Variants in DUSP8 observed in about 807,000 individuals in gnomAD.
The protein encoded by DUSP8 is dual specificity protein phosphatase 8.
DUSP8 carries 15 observed loss-of-function variants against 38.7 expected under a neutral mutation model. The ratio of observed to expected loss-of-function variants is 0.39; its 90% CI spans 0.26 to 0.60. The LOEUF (loss-of-function observed/expected upper bound fraction) is 0.60, where lower values mean the gene tolerates loss of function less well. DUSP8 is among the 20% of genes least tolerant of loss of function. The probability of loss-of-function intolerance (pLI) is 0.56; values close to 1 mark genes in which losing one functional copy is unlikely to be tolerated. For missense variants in DUSP8, 768 were observed against 915.0 expected, an observed-to-expected ratio of 0.84 and a Z score of 2.07; for synonymous variants, 458 against 433.9, an observed-to-expected ratio of 1.06 and a Z score of -0.69.
rs567697675 is a variant in DUSP8, at chr11:1,570,076, G to A, written c.-109+1825C>T. On this transcript the variant is annotated intron_variant, in intron 1 of 6. Coordinates refer to ENST00000397374, the MANE Select transcript of DUSP8 (RefSeq NM_004420.3). ...TCTGCTCCGCTGGCCTGGGGAAGCTGTGGACCTGGGAGAAAGTGGGGTGGG... is the reference window on the plus strand; with the variant it reads ...TCTGCTCCGCTGGCCTGGGGAAGCTATGGACCTGGGAGAAAGTGGGGTGGG... 2.6e-5 allele frequency among the ~76,000 whole-genome samples: 4 copies of A among 152,342 alleles called. No homozygotes were observed. In the East Asian group the frequency reaches 7.7e-4, roughly 29 times the overall value.
chr11:1,566,774 G>A (rs1335325862), intron 1 of DUSP8, among the ~76,000 whole-genome samples: 2 of 152,176 alleles, frequency 1.3e-5, no homozygotes, highest in Non-Finnish European at 2.9e-5. Flanking sequence ...CTGGGAGGAG[G>A]GTCAGTGTCG....
chr11:1,557,523 G>A lies in DUSP8; in HGVS notation c.873C>T (p.Gly291=). 6.3e-7 allele frequency: 1 copy of A among 1,591,328 alleles called. No homozygotes were observed. ...GGCTGCGCTCGTACTCCAGCAGCTG[G>A]CCCAGGAAGTTGAAGTTGGGCGAGA... ...PSISPNFNFL[G]QLLEYERSLK... Residue 291 remains glycine (G), a synonymous_variant, in exon 7 of 7, where the codon GGC becomes GGT. Transcript: ENST00000397374. This position sits in a 1 kb window ranked among gnomAD's most constrained non-coding sequence, Gnocchi z 9.9.
rs1848648149 is a variant in DUSP8 at position 1,557,292 on chromosome 11, G to A, written c.1104C>T (p.Ser368=). The change falls in exon 7 of 7, where the codon AGC becomes AGT. Residue 368 remains serine, a synonymous_variant. Transcript: ENST00000397374. The surrounding 1 kb of genome is among the most constrained non-coding windows in gnomAD (Gnocchi z 9.9). The part of the protein sequence containing the change: ...PPAPPTPPAT[S]ALQQGLRGLH... The stretch of plus-strand genomic sequence containing the variant: ...GGCCGCGCAGGCCCTGCTGCAGTGC[G>A]CTGGTCGCCGGGGGCGTGGGGGGCG... 6.8e-7 allele frequency: 1 copy of A among 1,473,860 alleles called. No homozygotes were observed. The highest frequency in any genetic ancestry group is 2.9e-5 in the East Asian group (1 of 35,066). The allele number at this position is 1,473,860 out of a possible 1,614,324, so 91.3% of individuals were successfully genotyped here. A position where few individuals can be genotyped will look rare whatever the true frequency, so the allele number is the denominator to read the frequency against.
Position 1,563,869 on chromosome 11 carries a change from T to C in DUSP8, c.352A>G (p.Ser118Gly). The C allele has an allele frequency of 6.5e-7, 1 of 1,540,994 alleles. No homozygotes were observed. The highest frequency in any genetic ancestry group is 8.8e-7 in the Non-Finnish European group (1 of 1,142,430). Residue 118 changes from serine (S) to glycine (G), a missense_variant, in exon 3 of 7, where the codon AGC becomes GGC. Physicochemically the swap from Ser to Gly is moderately conservative, Grantham distance 56 (BLOSUM62 0). Around this residue, in one of 3 missense-constraint regions of DUSP8, gnomAD observed 252 missense variants for 410.4 expected, o/e 0.61. Coordinates refer to ENST00000397374, the MANE Select transcript of DUSP8 (RefSeq NM_004420.3). ...GACTCACCAGTGAGGATGGCCACGC[T>C]GTCGAAGCAGCCGTCCAGCTTGCTC... ...LLSKLDGCFD[S>G]VAILTGGFAT...
chr11:1,564,291 C>T (rs1439656861), intron 2 of DUSP8, among the ~76,000 whole-genome samples: 3 of 152,188 alleles, frequency 2.0e-5, no homozygotes, highest in Non-Finnish European at 4.4e-5. Context: ...ACGCTCTGGG[C>T]CAGGCCTGTG....
intron 3 of DUSP8, 77 bp from the exon 4 acceptor site, chr11:1,559,132 A>G: frequency 7.1e-7 from 1 of 1,416,680 alleles, no homozygotes; most frequent in South Asian, 1.3e-5. Context: ...CTGTCCGCCT[A>G]GGGCACCCCA....
At chr11:1,569,913 G>C (rs982462684) in intron 1 of DUSP8, among the ~76,000 whole-genome samples, 3 of 152,216 alleles carry the variant, frequency 2.0e-5, no homozygotes, top group Non-Finnish European at 2.9e-5. Context: ...AGACTGGTGG[G>C]TGGCAACTCT....
chr11:1,563,441 G>A (rs1019050785), intron 3 of DUSP8, among the ~76,000 whole-genome samples: 11 of 152,142 alleles, frequency 7.2e-5, no homozygotes, highest in Admixed American at 1.3e-4. Context: ...GACCCAGGCA[G>A]CAGCCTTGGT....
intron 1 of DUSP8, chr11:1,571,449 C>T (rs995512271): frequency 6.6e-6 from 1 of 152,346 alleles, no homozygotes; most frequent in Admixed American, 6.5e-5. Context: ...CCGTCGCGTC[C>T]CTCCCACGGC....
intron 3 of DUSP8, among the ~76,000 whole-genome samples, chr11:1,561,556 G>A (rs1007249888): frequency 2.6e-5 from 4 of 152,354 alleles, no homozygotes; most frequent in East Asian, 3.9e-4. Context: ...CCAACATCGT[G>A]AGCAGCGCAG....
chr11:1,557,184 A>C lies in DUSP8; in HGVS notation c.1212T>G (p.Pro404=). 1 of 1,464,444 alleles carries C rather than the reference A, an allele frequency of 6.8e-7. No homozygotes were observed. The highest frequency in any genetic ancestry group is 9.0e-7 in the Non-Finnish European group (1 of 1,113,482). The allele number at this position is 1,464,444 out of a possible 1,614,324, so 90.7% of individuals were successfully genotyped here. The change falls in exon 7 of 7, where the codon CCT becomes CCG. Residue 404 remains proline (P), a synonymous_variant. Coordinates refer to ENST00000397374, the MANE Select transcript of DUSP8 (RefSeq NM_004420.3). The surrounding 1 kb of genome is among the most constrained non-coding windows in gnomAD (Gnocchi z 9.9). ...FSLDIKSAYA[P]SRRPDGPGPP... is the part of the protein sequence containing the mutation. ...GCCCGGGGCCGTCGGGCCGCCTGCT[A>C]GGGGCGTAGGCAGACTTGATGTCCA...
At chr11:1,563,287 A>C (rs1770566193) in intron 3 of DUSP8, among the ~76,000 whole-genome samples, 1 of 152,188 alleles carries the variant, frequency 6.6e-6, no homozygotes, top group Non-Finnish European at 1.5e-5. Flanking sequence ...AAGGAAAGAA[A>C]GAACCCTCTG....
At chr11:1,570,596 G>A (rs1386341236) in intron 1 of DUSP8, among the ~76,000 whole-genome samples, 1 of 151,300 alleles carries the variant, frequency 6.6e-6, no homozygotes, top group East Asian at 1.9e-4. Flanking sequence ...CCTCCCCGAG[G>A]ACAGAGGATA....
chr11:1,566,308 C>T (rs938589839), intron 1 of DUSP8, among the ~76,000 whole-genome samples: 4 of 152,094 alleles, frequency 2.6e-5, no homozygotes, highest in Admixed American at 1.3e-4. Flanking sequence ...CCCAGCAAGT[C>T]GGGGTCTGGA....
Position 1,557,880 on chromosome 11 carries a change from G to A in DUSP8, c.735C>T (p.His245=), listed in dbSNP as rs1290267231. ...AKLSSCQVIV[H]CLAGISRSAT... is the part of the protein sequence containing the mutation. ...CAGAGCGGGAGATGCCAGCCAGACA[G>A]TGGACGATGACTTGGCAGCTGGAGA... The change falls in exon 6 of 7, where the codon CAC becomes CAT. Residue 245 remains histidine, a synonymous_variant. Transcript: ENST00000397374. This position sits in a 1 kb window ranked among gnomAD's most constrained non-coding sequence, Gnocchi z 9.9. 1.2e-6 allele frequency: 2 copies of A among 1,614,028 alleles called. No homozygotes were observed. The highest frequency in any genetic ancestry group is 1.7e-6 in the Non-Finnish European group (2 of 1,180,030).
Position 1,563,846 on chromosome 11 carries a change from C to T in DUSP8, c.370+5G>A, listed in dbSNP as rs896322169. ...GCCTCGGGGAGGCGTGGGTCATGGA[C>T]TCACCAGTGAGGATGGCCACGCTGT... On this transcript the variant is annotated splice_donor_5th_base_variant and intron_variant, in intron 3 of 6. Transcript: ENST00000397374. 13 of 1,505,606 alleles carry T rather than the reference C, an allele frequency of 8.6e-6. No homozygotes were observed. The highest frequency in any genetic ancestry group is 1.4e-5 in the African/African-American group (1 of 72,144). 93.3% of individuals were successfully genotyped at this position (1,505,606 alleles called of 1,614,324 possible).
intron 1 of DUSP8, among the ~76,000 whole-genome samples, chr11:1,566,192 G>A (rs1590806862): frequency 1.3e-5 from 2 of 152,176 alleles, no homozygotes; most frequent in East Asian, 3.9e-4. Flanking sequence ...CCTTCCTGTG[G>A]GCCCTGGGGT....
intron 1 of DUSP8, among the ~76,000 whole-genome samples, chr11:1,567,747 A>G (rs1008715064): frequency 2.5e-4 from 38 of 152,304 alleles, no homozygotes; most frequent in African/African-American, 8.9e-4. Context: ...TCCCACTCAG[A>G]TAACGTTCCT....
Position 1,557,617 on chromosome 11 carries a change from G to A in DUSP8, c.822-43C>T, listed in dbSNP as rs1225288086. 2 of 1,496,742 alleles carry A rather than the reference G, an allele frequency of 1.3e-6. No individual in the cohort carries two copies. Among genetic ancestry groups the A allele is most frequent in the African/African-American group, 1.4e-5 (1 of 71,964 alleles). 92.7% of individuals were successfully genotyped at this position (1,496,742 alleles called of 1,614,324 possible). A position where few individuals can be genotyped will look rare whatever the true frequency, so the allele number is the denominator to read the frequency against. On this transcript the variant is annotated intron_variant, in intron 6 of 6. Coordinates refer to ENST00000397374, the MANE Select transcript of DUSP8 (RefSeq NM_004420.3). This position sits in a 1 kb window ranked among gnomAD's most constrained non-coding sequence, Gnocchi z 9.9. ...CAGTCCCAGGCGCCCGCCGGGGCCA[G>A]GCTGCCCACCTGACGCACCCGCTGG...
Sources: gnomAD v4.1 joint callset for allele counts (sites outside exome capture counted in the v4.1 genomes callset) on GRCh38, gnomAD v4.1.1 for gene constraint, gnomAD v4.1.1 regional missense constraint, Gnocchi (gnomAD v3.1) non-coding constraint, MANE v1.5 for transcripts, NCBI Gene and HGNC (gene_info 2026-07-23, HGNC 2026-07-21) for gene names.